The following SNORC variants were observed in gnomAD, a reference collection of about 807,000 sequenced individuals.
SNORC encodes the protein protein SNORC.
In SNORC, 11 loss-of-function variants were observed where a neutral mutation model predicts 9.7. The ratio of observed to expected loss-of-function variants is 1.14; its 90% CI spans 0.72 to 1.88. The LOEUF is 1.88. SNORC is among the 40% of genes most tolerant of loss of function. The pLI, the probability that SNORC is intolerant of heterozygous loss-of-function variation, is 0.00. For missense variants in SNORC, 197 were observed against 173.1 expected (o/e 1.14, Z -0.77); for synonymous variants, 108 against 88.7 (o/e 1.22, Z -1.22).
At chr2:232,868,749 G>A (rs1195382384), upstream of SNORC, among the ~76,000 whole-genome samples, 1 of 152,094 alleles carries the variant, frequency 6.6e-6, no homozygotes, top group Non-Finnish European at 1.5e-5. Context: ...ACTGAGCCTA[G>A]GTTTTGGTCA....
At chr2:232,875,898 C>T in intron 1 of SNORC, 42 bp from the exon 2 acceptor site, 1 of 1,513,054 alleles carries the variant, frequency 6.6e-7, no homozygotes. Flanking sequence ...TCCCTGTCGG[C>T]CCCGTCACCT....
downstream of SNORC, chr2:232,877,341 C>G: frequency 1.0e-6 from 1 of 985,402 alleles, no homozygotes; most frequent in Non-Finnish European, 1.2e-6. Flanking sequence ...GTCCCCACCT[C>G]GGAAGCATTT....
chr2:232,876,031 C>G lies in SNORC; in HGVS notation c.165C>G (p.Gly55=), dbSNP rs1404627210. The change falls in exon 2 of 3, where the codon GGC becomes GGG. Residue 55 remains glycine (G), a synonymous_variant. Transcript: ENST00000331342. This position sits in a 1 kb window ranked among gnomAD's most constrained non-coding sequence, Gnocchi z 6.8. ...GCCCCGTGGAGAGCACCAGCCCCGGCCGGGAGCCCGTGGACACCGGTCCCC... is the reference window on the plus strand; with the variant it reads ...GCCCCGTGGAGAGCACCAGCCCCGGGCGGGAGCCCGTGGACACCGGTCCCC... The G allele has an allele frequency of 1.3e-6, 2 of 1,545,194 alleles. No homozygotes were observed. Among genetic ancestry groups the G allele is most frequent in the Non-Finnish European group, 1.7e-6 (2 of 1,148,866 alleles).
chr2:232,871,432 A>C (rs1362578488), intron 1 of SNORC, among the ~76,000 whole-genome samples: 2 of 152,140 alleles, frequency 1.3e-5, no homozygotes, highest in East Asian at 3.9e-4. Flanking sequence ...CGTCATCTGT[A>C]GGATGGTGAC....
intron 1 of SNORC, 64 bp from the exon 2 acceptor site, chr2:232,875,876 T>G: frequency 6.8e-7 from 1 of 1,480,354 alleles, no homozygotes; most frequent in South Asian, 1.3e-5. Context: ...AACCTAGAGG[T>G]GGGGGGTGAC....
chr2:232,877,486 G>A (rs907159994), downstream of SNORC: 1 of 357,362 alleles, frequency 2.8e-6, no homozygotes, highest in African/African-American at 2.2e-5. Context: ...GACCCCTTGG[G>A]GACAGCTTAA....
At chr2:232,876,459 C>A, downstream of SNORC, 1 of 1,373,546 alleles carries the variant, frequency 7.3e-7, no homozygotes, top group South Asian at 1.6e-5. This position sits in a 1 kb window ranked among gnomAD's most constrained non-coding sequence, Gnocchi z 6.8. Flanking sequence ...TGTGCCAGAG[C>A]GTGAGCGCGC....
At chr2:232,872,271 G>C (rs72617184) in intron 1 of SNORC, among the ~76,000 whole-genome samples, 5,029 of 152,230 alleles carry the variant, frequency 0.033, 236 homozygotes, top group East Asian at 0.23. Context: ...GGCCCTCCCT[G>C]TTGGGGGCCT....
At chr2:232,877,082 C>T, downstream of SNORC, 1 of 985,944 alleles carries the variant, frequency 1.0e-6, no homozygotes, top group Non-Finnish European at 1.2e-6. Flanking sequence ...GCCCCATCCG[C>T]GGGCTCAGAC....
chr2:232,873,311 A>C (rs1691099419), intron 1 of SNORC, among the ~76,000 whole-genome samples: 1 of 149,956 alleles, frequency 6.7e-6, no homozygotes. Flanking sequence ...CAGTGGGAGG[A>C]GGCCAGGGCA....
chr2:232,870,292 G>C, exon 1 of SNORC: 1 of 1,510,578 alleles, frequency 6.6e-7, no homozygotes, highest in South Asian at 1.2e-5. Context: ...AAGTTAACCA[G>C]CGCAGTCCTC....
Position 232,870,428 on chromosome 2 carries a change from G to C in SNORC, c.73+14G>C. ...CGGTGCTCACAGGTAAGAGGTGAAG[G>C]CCCTTGTCTCAGCCACCACTAGCCT... is the stretch of plus-strand genomic sequence containing the variant. On this transcript the variant is annotated intron_variant, in intron 1 of 2. Coordinates refer to ENST00000331342, the Ensembl canonical transcript of SNORC. 6.4e-7 allele frequency: 1 copy of C among 1,562,684 alleles called. No homozygotes were observed. The highest frequency in any genetic ancestry group is 1.2e-5 in the South Asian group (1 of 84,814).
At chr2:232,871,669 G>A (rs980066486) in intron 1 of SNORC, among the ~76,000 whole-genome samples, 1 of 152,230 alleles carries the variant, frequency 6.6e-6, no homozygotes, top group African/African-American at 2.4e-5. Flanking sequence ...CGAGCCATGC[G>A]GTGTTCCCAG....
upstream of SNORC, chr2:232,870,156 T>TTG (rs1281026912): frequency 1.8e-5 from 11 of 628,162 alleles, no homozygotes; most frequent in African/African-American, 3.7e-5. Flanking sequence ...CTGTGAGCTC[T>TTG]TGTGTGTGTG....
rs961339565 is a variant in SNORC at position 232,873,246 on chromosome 2, C to T, written c.74-2694C>T. ...TGGGGCATGGAGCAAGGATAGGCCCCAGCCCTCCTGATTAGAAAGCTTCAT... is the reference window on the plus strand; with the variant it reads ...TGGGGCATGGAGCAAGGATAGGCCCTAGCCCTCCTGATTAGAAAGCTTCAT... On this transcript the variant is annotated intron_variant, in intron 1 of 2. Transcript: ENST00000331342. Among the ~76,000 whole-genome samples the T allele has an allele frequency of 2.0e-5, 3 of 152,216 alleles. No individual in the cohort carries two copies. The South Asian group carries it at 6.2e-4, about 31-fold the overall frequency.
Position 232,876,166 on chromosome 2 carries a change from AG to A in SNORC, c.256+48del. 1 of 121,330 alleles carries A rather than the reference AG, an allele frequency of 8.2e-6. No individual in the cohort carries two copies. Among genetic ancestry groups the A allele is most frequent in the Non-Finnish European group, 1.2e-5 (1 of 80,630 alleles). The allele number at this position is 121,330 out of a possible 1,614,324, so 7.5% of individuals were successfully genotyped here. A position where few individuals can be genotyped will look rare whatever the true frequency, so the allele number is the denominator to read the frequency against. ...AGGGAGGGGAGAGGGAGAAATTAGG[AG>A]GGGCGGGGGGCGGGGGGCGCGGGGA... On this transcript the variant is annotated intron_variant, in intron 2 of 2. Coordinates refer to ENST00000331342, the Ensembl canonical transcript of SNORC. The surrounding 1 kb of genome is among the most constrained non-coding windows in gnomAD (Gnocchi z 6.8).
At chr2:232,876,827 G>A (rs1459950776), downstream of SNORC, 36 of 985,404 alleles carry the variant, frequency 3.7e-5, no homozygotes, top group Non-Finnish European at 4.2e-5. The surrounding 1 kb of genome is among the most constrained non-coding windows in gnomAD (Gnocchi z 6.8). Context: ...TCCCGGCGCC[G>A]CCTCCTCTGC....
At chr2:232,871,251 T>G (rs544313320) in intron 1 of SNORC, among the ~76,000 whole-genome samples, 262 of 151,960 alleles carry the variant, frequency 1.7e-3, no homozygotes, top group African/African-American at 6.0e-3. Context: ...GGGGAGAGCT[T>G]CTGGGGGACG....
At chr2:232,877,093 C>T (rs927039620), downstream of SNORC, 69 of 986,012 alleles carry the variant, frequency 7.0e-5, no homozygotes, top group Middle Eastern at 1.0e-3. Context: ...GGGCTCAGAC[C>T]AGCAGCCCCA....
Sources: gnomAD v4.1 joint callset for allele counts (sites outside exome capture counted in the v4.1 genomes callset) on GRCh38, gnomAD v4.1.1 for gene constraint, Gnocchi (gnomAD v3.1) non-coding constraint, MANE v1.5 for transcripts, NCBI Gene and HGNC (gene_info 2026-07-23, HGNC 2026-07-21) for gene names.